The following ZDHHC5 variants were observed in gnomAD, a reference collection of about 807,000 sequenced individuals.
ZDHHC5 encodes zDHHC palmitoyltransferase 5, also known as palmitoyltransferase ZDHHC5.
In ZDHHC5, 22 loss-of-function variants were observed where a neutral mutation model predicts 70.0. That is an observed-to-expected ratio of 0.31 (90% confidence interval 0.22 to 0.45). The LOEUF (loss-of-function observed/expected upper bound fraction) is 0.45, where lower values mean the gene tolerates loss of function less well. ZDHHC5 is among the 20% of genes least tolerant of loss of function. The pLI is 1.00. For missense variants in ZDHHC5, 746 were observed against 926.9 expected (o/e 0.80, Z 2.53); for synonymous variants, 313 against 347.8 (o/e 0.90, Z 1.11).
Position 57,698,855 on chromosome 11 carries a change from G to C in ZDHHC5, c.1419G>C (p.Leu473Phe). ...TRNGSLSYDSLLTPSDSPDFE... is the reference protein window; with the variant it reads ...TRNGSLSYDSFLTPSDSPDFE... Reference sequence around the variant, plus strand: ...ATGGAAGCCTATCTTATGACAGCTTGCTCACACCTTCAGACAGCCCTGATT... The same window carrying C: ...ATGGAAGCCTATCTTATGACAGCTTCCTCACACCTTCAGACAGCCCTGATT... The change falls in exon 11 of 12, where the codon TTG becomes TTC. Residue 473 changes from leucine (L) to phenylalanine (F), a missense_variant. Leu to Phe is a conservative substitution (Grantham distance 22, BLOSUM62 0). Around this residue, in one of 6 missense-constraint regions of ZDHHC5, gnomAD observed 340 missense variants for 350.1 expected, o/e 0.97. Coordinates refer to ENST00000287169, the MANE Select transcript of ZDHHC5 (RefSeq NM_015457.3). 1 of 1,614,194 alleles carries C rather than the reference G, an allele frequency of 6.2e-7. No individual in the cohort carries two copies. Among genetic ancestry groups the C allele is most frequent in the South Asian group, 1.1e-5 (1 of 91,080 alleles).
At chr11:57,693,076 G>A (rs1946306201) in intron 7 of ZDHHC5, among the ~76,000 whole-genome samples, 1 of 152,072 alleles carries the variant, frequency 6.6e-6, no homozygotes, top group Admixed American at 6.6e-5. Flanking sequence ...GGAGGCCGAG[G>A]TGGGCGAATC....
intron 2 of ZDHHC5, 97 bp from the exon 3 acceptor site, chr11:57,682,325 C>T: frequency 6.9e-7 from 1 of 1,445,736 alleles, no homozygotes; most frequent in East Asian, 2.5e-5. Context: ...CAAGATTTAT[C>T]TATAGGTAAG....
At chr11:57,675,201 A>G (rs1042706215) in intron 2 of ZDHHC5, among the ~76,000 whole-genome samples, 2 of 152,214 alleles carry the variant, frequency 1.3e-5, no homozygotes, top group Non-Finnish European at 2.9e-5. Flanking sequence ...ACTCTGCTCA[A>G]TTGGGGAGGG....
At chr11:57,671,465 A>G (rs774087869) in intron 1 of ZDHHC5, among the ~76,000 whole-genome samples, 15 of 152,338 alleles carry the variant, frequency 9.8e-5, no homozygotes, top group Middle Eastern at 3.4e-3. Flanking sequence ...CTCTGCAAGA[A>G]CATTTCTTAC....
chr11:57,677,538 C>T lies in ZDHHC5; in HGVS notation c.104+4344C>T, dbSNP rs190285413. On this transcript the variant is annotated intron_variant, in intron 2 of 11. Transcript: ENST00000287169. ...CTGACTTCAGGTGATCCACCCACCT[C>T]GGCCTCTCAAAGTCCTGGGATTACA... Among the ~76,000 whole-genome samples, 45 of 152,194 alleles carry T rather than the reference C, an allele frequency of 3.0e-4. No homozygotes were observed. The East Asian group carries it at 8.5e-3, about 29-fold the overall frequency.
chr11:57,683,810 TGAA>T (rs1163422265), intron 3 of ZDHHC5, among the ~76,000 whole-genome samples: 1 of 151,942 alleles, frequency 6.6e-6, no homozygotes, highest in Non-Finnish European at 1.5e-5. Flanking sequence ...GGAAGAGCCA[TGAA>T]GAAGGATTGA....
intron 10 of ZDHHC5, 101 bp downstream of exon 10, chr11:57,696,974 A>T: frequency 1.7e-6 from 2 of 1,193,300 alleles, no homozygotes; most frequent in Non-Finnish European, 2.4e-6. Flanking sequence ...AGGTGGGTGG[A>T]TCACAAGGTC....
chr11:57,693,862 A>G lies in ZDHHC5; in HGVS notation c.832A>G (p.Ile278Val). Residue 278 changes from isoleucine (I) to valine (V), a missense_variant, in exon 8 of 12, where the codon ATA (isoleucine) becomes GTA (valine). Physicochemically the swap from Ile to Val is conservative, Grantham distance 29. Around this residue, in one of 6 missense-constraint regions of ZDHHC5, gnomAD observed 114 missense variants for 179.3 expected, o/e 0.64. Coordinates refer to ENST00000287169, the MANE Select transcript of ZDHHC5 (RefSeq NM_015457.3). ...FLRPEVSDGQITVKIMDNGIQ... is the reference protein window; with the variant it reads ...FLRPEVSDGQVTVKIMDNGIQ... The stretch of plus-strand genomic sequence containing the variant: ...TCGACCAGAAGTTTCAGATGGGCAG[A>G]TAACTGTGAAGATCATGGATAATGG... The G allele has an allele frequency of 6.2e-7, 1 of 1,613,124 alleles. No individual in the cohort carries two copies. The highest frequency in any genetic ancestry group is 8.5e-7 in the Non-Finnish European group (1 of 1,179,562).
chr11:57,679,222 C>T (rs895205015), intron 2 of ZDHHC5, among the ~76,000 whole-genome samples: 1 of 152,066 alleles, frequency 6.6e-6, no homozygotes, highest in South Asian at 2.1e-4. Flanking sequence ...CGTGAAGTGG[C>T]GCGATCTTGG....
intron 2 of ZDHHC5, among the ~76,000 whole-genome samples, chr11:57,676,495 T>C (rs1946072376): frequency 1.3e-5 from 2 of 152,168 alleles, no homozygotes; most frequent in African/African-American, 4.8e-5. Flanking sequence ...CCTAGGTAAG[T>C]GGGATAAGCC....
At chr11:57,691,762 T>C (rs1321636986) in intron 6 of ZDHHC5, among the ~76,000 whole-genome samples, 3 of 151,890 alleles carry the variant, frequency 2.0e-5, no homozygotes, top group Non-Finnish European at 2.9e-5. Flanking sequence ...TATGTACATA[T>C]ATGTTCATAT....
intron 4 of ZDHHC5, among the ~76,000 whole-genome samples, chr11:57,689,731 A>G (rs1946256945): frequency 1.4e-5 from 2 of 146,678 alleles, no homozygotes; most frequent in Non-Finnish European, 1.5e-5. Context: ...TGCCCAGTAC[A>G]GTGGCTATTC....
At chr11:57,697,450 G>A (rs1331228954) in intron 10 of ZDHHC5, among the ~76,000 whole-genome samples, 6 of 151,110 alleles carry the variant, frequency 4.0e-5, no homozygotes, top group Middle Eastern at 3.2e-3. Context: ...GCAGCAGAGC[G>A]AGACCGCATC....
chr11:57,675,903 A>G (rs1174249542), intron 2 of ZDHHC5, among the ~76,000 whole-genome samples: 1 of 152,238 alleles, frequency 6.6e-6, no homozygotes, highest in Non-Finnish European at 1.5e-5. Flanking sequence ...TCAGGGTTTC[A>G]AATGGAGAGG....
chr11:57,692,971 G>T (rs949754463), intron 7 of ZDHHC5, among the ~76,000 whole-genome samples: 2 of 152,094 alleles, frequency 1.3e-5, no homozygotes, highest in African/African-American at 4.8e-5. Context: ...GATGGGGGCT[G>T]GGGTGGGGTG....
intron 2 of ZDHHC5, among the ~76,000 whole-genome samples, chr11:57,676,741 G>A (rs557162714): frequency 2.0e-5 from 3 of 151,728 alleles, no homozygotes; most frequent in South Asian, 4.2e-4. Flanking sequence ...CCTCTTTACC[G>A]TGTAGGATCT....
At chr11:57,681,042 A>G (rs1409770702) in intron 2 of ZDHHC5, among the ~76,000 whole-genome samples, 1 of 152,258 alleles carries the variant, frequency 6.6e-6, no homozygotes, top group Non-Finnish European at 1.5e-5. Flanking sequence ...GGCATATAAT[A>G]AATACTAAAA....
Position 57,699,130 on chromosome 11 carries a change from G to C in ZDHHC5, c.1694G>C (p.Gly565Ala), listed in dbSNP as rs763955816. Residue 565 changes from glycine (G) to alanine (A), a missense_variant, in exon 11 of 12, where the codon GGC (glycine) becomes GCC (alanine). Coordinates refer to ENST00000287169, the MANE Select transcript of ZDHHC5 (RefSeq NM_015457.3). ...PPLPGREEEP[G>A]LGDSGIQSTP... The stretch of plus-strand genomic sequence containing the variant: ...CTCCCGGGCCGTGAGGAAGAACCAG[G>C]CTTGGGGGACTCAGGCATTCAGTCA... 2 of 1,614,228 alleles carry C rather than the reference G, an allele frequency of 1.2e-6. No homozygotes were observed. Among genetic ancestry groups the C allele is most frequent in the South Asian group, 1.1e-5 (1 of 91,088 alleles).
chr11:57,671,547 G>C (rs1201686755), intron 1 of ZDHHC5, among the ~76,000 whole-genome samples: 1 of 152,138 alleles, frequency 6.6e-6, no homozygotes, highest in Non-Finnish European at 1.5e-5. Flanking sequence ...TAACTAAAAA[G>C]CATAGAGGAG....
Sources: gnomAD v4.1 joint callset for allele counts (sites outside exome capture counted in the v4.1 genomes callset) on GRCh38, gnomAD v4.1.1 for gene constraint, gnomAD v4.1.1 regional missense constraint, MANE v1.5 for transcripts, NCBI Gene and HGNC (gene_info 2026-07-23, HGNC 2026-07-21) for gene names.